Variants in MARCHF5 observed in about 807,000 individuals in gnomAD.
The protein encoded by MARCHF5 is membrane associated ring-CH-type finger 5.
Under a neutral mutation model 36.5 loss-of-function variants are expected in MARCHF5, and 5 were observed. The observed-to-expected ratio is 0.14, with a 90% CI of 0.07 to 0.29. The LOEUF (loss-of-function observed/expected upper bound fraction) is 0.29, where lower values mean the gene tolerates loss of function less well. MARCHF5 is among the 10% of genes least tolerant of loss of function. The probability of loss-of-function intolerance (pLI) is 1.00; values close to 1 mark genes in which losing one functional copy is unlikely to be tolerated. For missense variants in MARCHF5, 179 were observed against 336.3 expected, an observed-to-expected ratio of 0.53 and a Z score of 3.66; for synonymous variants, 103 against 109.9, an observed-to-expected ratio of 0.94 and a Z score of 0.39.
At chr10:92,315,874 C>T (rs899837163) in intron 2 of MARCHF5, among the ~76,000 whole-genome samples, 5 of 152,144 alleles carry the variant, frequency 3.3e-5, no homozygotes, top group African/African-American at 1.2e-4. Flanking sequence ...TCTTAACTTA[C>T]CCTAGTAGAG....
intron 2 of MARCHF5, among the ~76,000 whole-genome samples, chr10:92,324,855 CTG>C (rs368672859): frequency 5.3e-5 from 8 of 151,616 alleles, no homozygotes; most frequent in African/African-American, 1.9e-4. Flanking sequence ...AGAGCATACT[CTG>C]TCTGATTTTT....
In MARCHF5 at chr10:92,349,736, A is replaced by C; in HGVS notation, c.619A>C (p.Thr207Pro). 6.2e-7 allele frequency: 1 copy of C among 1,614,090 alleles called. No individual in the cohort carries two copies. Among genetic ancestry groups the C allele is most frequent in the Non-Finnish European group, 8.5e-7 (1 of 1,179,982 alleles). Reference protein sequence around the residue: ...ANPLADHVSATRILCGALVFP... With the variant: ...ANPLADHVSAPRILCGALVFP... ...TCCTTTAGCAGATCATGTCTCTGCT[A>C]CTCGAATCTTGTGTGGAGCCCTTGT... The change falls in exon 5 of 6, where the codon ACT (threonine) becomes CCT (proline). Residue 207 changes from threonine to proline, a missense_variant. This residue lies in a region of MARCHF5 where 95 missense variants were observed against 139.5 expected (regional missense o/e 0.68). Coordinates refer to ENST00000358935, the MANE Select transcript of MARCHF5 (RefSeq NM_017824.5).
intron 2 of MARCHF5, among the ~76,000 whole-genome samples, chr10:92,327,054 T>TA (rs1433750481): frequency 6.6e-6 from 1 of 152,064 alleles, no homozygotes; most frequent in Non-Finnish European, 1.5e-5. Context: ...TCCCTACACT[T>TA]ACACAGAATC....
chr10:92,308,700 GTTTTTTGT>G (rs1843108150), intron 1 of MARCHF5: 1 of 87,274 alleles, frequency 1.1e-5, no homozygotes, highest in Admixed American at 2.0e-4. Flanking sequence ...TGCGTTGTTT[GTTTTTTGT>G]TTTTTTTTTT....
At chr10:92,319,456 C>T (rs1189588937) in intron 2 of MARCHF5, among the ~76,000 whole-genome samples, 5 of 151,284 alleles carry the variant, frequency 3.3e-5, no homozygotes, top group African/African-American at 7.3e-5. Context: ...CCACCATGCC[C>T]GGCTAATTTT....
chr10:92,340,901 A>G, intron 3 of MARCHF5, 98 bp downstream of exon 3: 1 of 1,083,650 alleles, frequency 9.2e-7, no homozygotes, highest in East Asian at 2.7e-5. Flanking sequence ...TGAATAAGAA[A>G]TAACATTCTC....
intron 5 of MARCHF5, chr10:92,350,185 CT>C (rs1421199586): frequency 4.6e-6 from 1 of 219,174 alleles, no homozygotes; most frequent in East Asian, 1.3e-4. Context: ...AATCAAATGT[CT>C]GGACTTTTTG....
intron 2 of MARCHF5, among the ~76,000 whole-genome samples, chr10:92,331,947 A>G (rs1208667593): frequency 6.8e-6 from 1 of 147,174 alleles, no homozygotes; most frequent in Non-Finnish European, 1.5e-5. Context: ...AATCGTATAT[A>G]TATGTATATA....
chr10:92,314,301 A>G (rs566648106), intron 2 of MARCHF5, among the ~76,000 whole-genome samples: 1 of 152,344 alleles, frequency 6.6e-6, no homozygotes, highest in East Asian at 1.9e-4. Context: ...CACTTGAGTT[A>G]GCCGCTTAAA....
At chr10:92,337,829 T>C (rs1564952443) in intron 2 of MARCHF5, among the ~76,000 whole-genome samples, 1 of 151,890 alleles carries the variant, frequency 6.6e-6, no homozygotes, top group Non-Finnish European at 1.5e-5. Context: ...GATGAGTACA[T>C]GTGCTGGAGA....
intron 2 of MARCHF5, chr10:92,333,744 A>G (rs1272228731): frequency 3.0e-6 from 2 of 669,818 alleles, no homozygotes; most frequent in South Asian, 6.6e-5. Context: ...TTTTATACAG[A>G]TTTAATCAAA....
intron 1 of MARCHF5, among the ~76,000 whole-genome samples, chr10:92,295,430 CAG>C (rs1474336282): frequency 2.2e-5 from 3 of 134,624 alleles, no homozygotes; most frequent in Non-Finnish European, 3.2e-5. Flanking sequence ...TTTTTTGAGA[CAG>C]AGTCTCGCTC....
At chr10:92,328,117 T>G (rs971891594) in intron 2 of MARCHF5, among the ~76,000 whole-genome samples, 1 of 152,090 alleles carries the variant, frequency 6.6e-6, no homozygotes, top group African/African-American at 2.4e-5. Flanking sequence ...CTCCTCAAGA[T>G]TGTCAAGGTC....
chr10:92,313,411 T>A (rs1005237195), intron 2 of MARCHF5, among the ~76,000 whole-genome samples: 1 of 151,836 alleles, frequency 6.6e-6, no homozygotes, highest in Non-Finnish European at 1.5e-5. Context: ...GAGACCATCC[T>A]GGCTAACACA....
intron 1 of MARCHF5, among the ~76,000 whole-genome samples, chr10:92,300,612 C>G (rs1159842077): frequency 1.3e-5 from 2 of 152,212 alleles, no homozygotes; most frequent in East Asian, 1.9e-4. Flanking sequence ...ATAGCTGGCA[C>G]CAACTGCCTT....
At position 92,295,447 on chromosome 10, in the gene MARCHF5, G is replaced by T. The variant is rs180752314; in HGVS notation, c.35+3918G>T. Among the ~76,000 whole-genome samples, 13 of 141,546 alleles carry T rather than the reference G, an allele frequency of 9.2e-5. No individual in the cohort carries two copies. The East Asian group carries it at 1.5e-3, about 16-fold the overall frequency. The allele number at this position is 141,546 out of a possible 152,430, so 92.9% of individuals were successfully genotyped here. On this transcript the variant is annotated intron_variant, in intron 1 of 5. Coordinates refer to ENST00000358935, the MANE Select transcript of MARCHF5 (RefSeq NM_017824.5). ...TTTTGAGACAGAGTCTCGCTCAGTCGCCCAGGCTGGAGTGCAGTGGCGCAA... is the reference window on the plus strand; with the variant it reads ...TTTTGAGACAGAGTCTCGCTCAGTCTCCCAGGCTGGAGTGCAGTGGCGCAA...
chr10:92,336,842 G>C (rs1843507922), intron 2 of MARCHF5, among the ~76,000 whole-genome samples: 1 of 152,244 alleles, frequency 6.6e-6, no homozygotes, highest in African/African-American at 2.4e-5. Flanking sequence ...GATGTTCTGG[G>C]ATTGGCCCAG....
rs940425097 is a variant in MARCHF5 at position 92,313,985 on chromosome 10, G to A, written c.238+2648G>A. Among the ~76,000 whole-genome samples the A allele has an allele frequency of 5.9e-5, 9 of 152,026 alleles. 1 individual carries two copies. The highest frequency in any genetic ancestry group is 5.8e-4 in the East Asian group (3 of 5,190). On this transcript the variant is annotated intron_variant, in intron 2 of 5. Transcript: ENST00000358935. ...AGGTGGGTGGATTGCTTGTGGTTAC[G>A]AGGTCAGGATCAGCCTAGGCAACAT...
In MARCHF5 at chr10:92,353,455, CTA is replaced by C. The variant is rs1036258326; in HGVS notation, c.*2250_*2251del. 1 of 152,164 alleles carries C rather than the reference CTA, an allele frequency of 6.6e-6. No homozygotes were observed. The highest frequency in any genetic ancestry group is 6.5e-5 in the Admixed American group (1 of 15,278). The allele number at this position is 152,164 out of a possible 1,614,324, so 9.4% of individuals were successfully genotyped here. ...TGCAAATAATGTTTATCTCAGAAGA[CTA>C]TTTCTAGGATTAACTGAGAGATTAA... is the stretch of plus-strand genomic sequence containing the variant. On this transcript the variant is annotated 3_prime_UTR_variant, in exon 6 of 6. Coordinates refer to ENST00000358935, the MANE Select transcript of MARCHF5 (RefSeq NM_017824.5).
Sources: allele counts gnomAD v4.1 joint callset (sites outside exome capture counted in the v4.1 genomes callset), GRCh38; gene constraint gnomAD v4.1.1; regional missense constraint gnomAD v4.1.1; transcripts MANE v1.5; gene names NCBI Gene and HGNC (gene_info 2026-07-23, HGNC 2026-07-21).